SMIM35: variants seen among roughly 807,000 people sequenced by gnomAD.
SMIM35 encodes the protein TMPRSS4 antisense RNA 1 (non-protein coding).
intron 3 of SMIM35, among the ~76,000 whole-genome samples, chr11:118,014,481 G>C (rs902462644): frequency 3.3e-5 from 5 of 152,082 alleles, no homozygotes; most frequent in Admixed American, 1.3e-4. Context: ...AAGGGTGAGT[G>C]TTAAGGAGAT....
intron 1 of SMIM35, among the ~76,000 whole-genome samples, chr11:118,079,963 CT>C (rs2135199061): frequency 6.6e-6 from 1 of 152,304 alleles, no homozygotes; most frequent in East Asian, 1.9e-4. Flanking sequence ...CTCCTGGATC[CT>C]TTGCCACCTG....
intron 1 of SMIM35, among the ~76,000 whole-genome samples, chr11:118,064,924 G>A (rs1944447611): frequency 2.0e-5 from 3 of 152,224 alleles, no homozygotes; most frequent in African/African-American, 7.2e-5. Flanking sequence ...TTACAGGCGT[G>A]AGCCACCATG....
intron 1 of SMIM35, among the ~76,000 whole-genome samples, chr11:118,016,980 A>T (rs2058188054): frequency 6.6e-6 from 1 of 152,198 alleles, no homozygotes. Context: ...CTCACTAGCA[A>T]CCAGGTTATT....
intron 1 of SMIM35, among the ~76,000 whole-genome samples, chr11:118,057,824 C>A (rs1487907157): frequency 6.6e-6 from 1 of 152,160 alleles, no homozygotes; most frequent in African/African-American, 2.4e-5. Context: ...AGGCGGAATG[C>A]AGGCACGAGG....
At chr11:118,082,863 A>G (rs1945253590) in intron 1 of SMIM35, among the ~76,000 whole-genome samples, 1 of 152,230 alleles carries the variant, frequency 6.6e-6, no homozygotes, top group African/African-American at 2.4e-5. Context: ...CTTCAGAATC[A>G]CAGACCCTAA....
rs1278233979 is a variant in SMIM35, at chr11:118,036,573, C to A, written c.8-20764G>T. Reference sequence around the variant, plus strand: ...GCACAGGGCTGGGTGATGCATACACCCTAAGCTGGGGGTGCCTGGGGAGAA... The same window carrying A: ...GCACAGGGCTGGGTGATGCATACACACTAAGCTGGGGGTGCCTGGGGAGAA... On this transcript the variant is annotated intron_variant, in intron 1 of 4. Coordinates refer to ENST00000689828, the MANE Select transcript of SMIM35 (RefSeq NM_001394165.1). Among the ~76,000 whole-genome samples the A allele has an allele frequency of 3.3e-5, 5 of 152,282 alleles. No individual in the cohort carries two copies. In the East Asian group the frequency reaches 9.7e-4, roughly 29 times the overall value.
intron 1 of SMIM35, among the ~76,000 whole-genome samples, chr11:118,068,351 GCTCTTTC>G (rs1394238880): frequency 1.3e-5 from 2 of 152,084 alleles, no homozygotes; most frequent in Non-Finnish European, 2.9e-5. Flanking sequence ...GGCTCTGTGT[GCTCTTTC>G]CTCTTAGAGT....
chr11:118,085,445 A>C (rs1945473555), intron 1 of SMIM35, among the ~76,000 whole-genome samples: 1 of 152,028 alleles, frequency 6.6e-6, no homozygotes, highest in Non-Finnish European at 1.5e-5. Context: ...GGCTGGTCTC[A>C]AACTCCTGGC....
intron 1 of SMIM35, among the ~76,000 whole-genome samples, chr11:118,047,215 G>C (rs117550609): frequency 6.6e-6 from 1 of 152,314 alleles, no homozygotes; most frequent in East Asian, 1.9e-4. Context: ...GGGTCTAAGG[G>C]GGTTAGCATA....
intron 1 of SMIM35, among the ~76,000 whole-genome samples, chr11:118,035,877 T>G (rs1367663162): frequency 2.0e-5 from 3 of 152,162 alleles, no homozygotes; most frequent in African/African-American, 7.2e-5. Flanking sequence ...TATCCTAATA[T>G]GTGGTGTTTG....
chr11:118,046,551 C>G (rs183262392), intron 1 of SMIM35, among the ~76,000 whole-genome samples: 1 of 152,168 alleles, frequency 6.6e-6, no homozygotes, highest in Non-Finnish European at 1.5e-5. Flanking sequence ...TATCAAGAAC[C>G]TTGCCTTAAG....
chr11:118,070,126 C>A (rs1378030121), intron 1 of SMIM35, among the ~76,000 whole-genome samples: 2 of 152,210 alleles, frequency 1.3e-5, no homozygotes, highest in Non-Finnish European at 2.9e-5. Flanking sequence ...CTGAGAAAAA[C>A]AAATGGGATA....
chr11:118,061,729 C>A (rs1180519211), intron 1 of SMIM35, among the ~76,000 whole-genome samples: 1 of 152,120 alleles, frequency 6.6e-6, no homozygotes, highest in East Asian at 1.9e-4. Context: ...TCTACGGGGC[C>A]CATTTCCTCT....
chr11:118,044,126 A>G (rs1232836644), intron 1 of SMIM35, among the ~76,000 whole-genome samples: 1 of 152,090 alleles, frequency 6.6e-6, no homozygotes, highest in Non-Finnish European at 1.5e-5. Flanking sequence ...TTAAACTTGA[A>G]GAAGTGCATT....
chr11:118,069,282 C>T (rs1944534897), intron 1 of SMIM35, among the ~76,000 whole-genome samples: 1 of 152,202 alleles, frequency 6.6e-6, no homozygotes, highest in Non-Finnish European at 1.5e-5. Flanking sequence ...AGTAGAATGT[C>T]AGTAAATAAT....
chr11:118,055,704 G>C (rs1944300504), intron 1 of SMIM35, among the ~76,000 whole-genome samples: 1 of 152,108 alleles, frequency 6.6e-6, no homozygotes, highest in Non-Finnish European at 1.5e-5. Flanking sequence ...CCACCCAATA[G>C]CTGCTTCTTC....
At chr11:118,045,499 T>C (rs1057114371) in intron 1 of SMIM35, among the ~76,000 whole-genome samples, 1 of 152,082 alleles carries the variant, frequency 6.6e-6, no homozygotes, top group Non-Finnish European at 1.5e-5. Flanking sequence ...AAAAGAGCCT[T>C]TCAAGTTTTG....
At chr11:118,056,199 G>C (rs978367151) in intron 1 of SMIM35, among the ~76,000 whole-genome samples, 2 of 152,160 alleles carry the variant, frequency 1.3e-5, no homozygotes, top group African/African-American at 4.8e-5. Flanking sequence ...ACTTGGGCCA[G>C]GGTTGGGACA....
chr11:118,075,131 C>G (rs1944639574), intron 1 of SMIM35, among the ~76,000 whole-genome samples: 1 of 152,228 alleles, frequency 6.6e-6, no homozygotes, highest in Admixed American at 6.5e-5. Flanking sequence ...GAAAACGTGG[C>G]TCCCAGTGGC....
Sources: allele counts gnomAD v4.1 joint callset (sites outside exome capture counted in the v4.1 genomes callset), GRCh38; gene constraint gnomAD v4.1.1; transcripts MANE v1.5; gene names NCBI Gene and HGNC (gene_info 2026-07-23, HGNC 2026-07-21).